Variants in CDH12 observed in about 807,000 individuals in gnomAD.
CDH12 encodes the protein cadherin 12.
Under a neutral mutation model 74.1 loss-of-function variants are expected in CDH12, and 41 were observed. That is an observed-to-expected ratio of 0.55 (90% confidence interval 0.43 to 0.72). The LOEUF (loss-of-function observed/expected upper bound fraction) is 0.72, where lower values mean the gene tolerates loss of function less well. Among genes scored for constraint, CDH12 ranks in the 30% least tolerant of loss-of-function variants. CDH12 has a pLI of 0.00. For synonymous variants in CDH12, 399 were observed against 355.0 expected, an observed-to-expected ratio of 1.12 and a Z score of -1.39; for missense variants, 945 against 977.2, an observed-to-expected ratio of 0.97 and a Z score of 0.44.
intron 1 of CDH12, among the ~76,000 whole-genome samples, chr5:22,579,268 A>C (rs1739957037): frequency 1.3e-5 from 2 of 152,256 alleles, no homozygotes; most frequent in South Asian, 2.1e-4. Flanking sequence ...TTTAATGATA[A>C]ATTTTAAAAA....
intron 5 of CDH12, among the ~76,000 whole-genome samples, chr5:22,047,838 T>C (rs546912814): frequency 6.6e-6 from 1 of 152,326 alleles, no homozygotes; most frequent in African/African-American, 2.4e-5. Context: ...ACTTCTAAAA[T>C]TCTCTCTTCA....
intron 1 of CDH12, among the ~76,000 whole-genome samples, chr5:22,706,956 C>T (rs549681671): frequency 6.6e-6 from 1 of 152,116 alleles, no homozygotes; most frequent in African/African-American, 2.4e-5. Context: ...ACAAGACAGG[C>T]TCATTTCAGA....
At chr5:21,833,337 T>C (rs867260014) in intron 8 of CDH12, among the ~76,000 whole-genome samples, 3 of 65,536 alleles carry the variant, frequency 4.6e-5, no homozygotes, top group Non-Finnish European at 6.8e-5. Context: ...TATTATATAT[T>C]ATATAACATA....
intron 2 of CDH12, among the ~76,000 whole-genome samples, chr5:22,437,943 T>A (rs1243191026): frequency 6.6e-6 from 1 of 152,080 alleles, no homozygotes; most frequent in Non-Finnish European, 1.5e-5. Flanking sequence ...ATCTTTTATT[T>A]TCATAAAATT....
intron 4 of CDH12, among the ~76,000 whole-genome samples, chr5:22,201,150 G>A (rs1050344315): frequency 6.6e-5 from 10 of 152,142 alleles, no homozygotes; most frequent in Admixed American, 6.5e-4. Flanking sequence ...GACTGCTTGA[G>A]ATTAGGAAAA....
chr5:22,617,768 T>C (rs1737762898), intron 1 of CDH12, among the ~76,000 whole-genome samples: 2 of 152,240 alleles, frequency 1.3e-5, no homozygotes, highest in South Asian at 4.1e-4. Flanking sequence ...TGGAGAGAAG[T>C]AACTTATTCC....
intron 5 of CDH12, among the ~76,000 whole-genome samples, chr5:22,049,041 G>T (rs1740162239): frequency 6.6e-6 from 1 of 151,966 alleles, no homozygotes; most frequent in Non-Finnish European, 1.5e-5. Flanking sequence ...TTATATTTAT[G>T]CCTGAATCAT....
intron 1 of CDH12, chr5:22,580,862 C>G: frequency 5.8e-6 from 1 of 173,030 alleles, no homozygotes; most frequent in Non-Finnish European, 1.2e-5. Context: ...AGACTGGCGG[C>G]ATTTTGCCCA....
chr5:22,675,098 C>T (rs368055729), intron 1 of CDH12, among the ~76,000 whole-genome samples: 2 of 152,100 alleles, frequency 1.3e-5, no homozygotes, highest in East Asian at 1.9e-4. Context: ...AAAATGTCTC[C>T]AGGTTATGTT....
chr5:22,394,956 A>T (rs575142096), intron 3 of CDH12, among the ~76,000 whole-genome samples: 1 of 152,132 alleles, frequency 6.6e-6, no homozygotes, highest in Non-Finnish European at 1.5e-5. Flanking sequence ...TTGCATATAG[A>T]TTCACATAAA....
intron 13 of CDH12, among the ~76,000 whole-genome samples, chr5:21,759,019 T>C (rs1744562885): frequency 6.6e-6 from 1 of 152,110 alleles, no homozygotes; most frequent in Admixed American, 6.6e-5. Context: ...TATCAGGTAC[T>C]AGGTTCACTA....
intron 1 of CDH12, among the ~76,000 whole-genome samples, chr5:22,621,255 C>A (rs1737956770): frequency 1.3e-5 from 2 of 152,122 alleles, no homozygotes; most frequent in South Asian, 4.1e-4. Flanking sequence ...AAAGATCTTT[C>A]CAGCACGAGT....
intron 3 of CDH12, among the ~76,000 whole-genome samples, chr5:22,399,864 G>C (rs751126394): frequency 2.2e-4 from 34 of 152,110 alleles, no homozygotes; most frequent in Admixed American, 2.0e-4. Flanking sequence ...TACTTGTATA[G>C]GAGATATTAA....
At chr5:22,545,630 T>A (rs935045050) in intron 1 of CDH12, among the ~76,000 whole-genome samples, 1 of 152,226 alleles carries the variant, frequency 6.6e-6, no homozygotes, top group Non-Finnish European at 1.5e-5. Context: ...AATAAAAGTA[T>A]CTTCTGTAGA....
chr5:22,526,003 A>G (rs1737257278), intron 1 of CDH12, among the ~76,000 whole-genome samples: 1 of 152,174 alleles, frequency 6.6e-6, no homozygotes, highest in East Asian at 1.9e-4. Context: ...TCTAAGTTTC[A>G]GGGAGTTATC....
At chr5:22,168,219 T>C (rs1393454321) in intron 4 of CDH12, among the ~76,000 whole-genome samples, 3 of 152,106 alleles carry the variant, frequency 2.0e-5, no homozygotes, top group Admixed American at 6.6e-5. Context: ...ATAATATGTA[T>C]ATTTATAATA....
intron 1 of CDH12, among the ~76,000 whole-genome samples, chr5:22,846,016 T>C (rs1280412538): frequency 2.0e-5 from 3 of 152,232 alleles, no homozygotes; most frequent in South Asian, 2.1e-4. Flanking sequence ...GTTTTTGAAG[T>C]TACTGGGTTG....
chr5:21,950,882 G>A (rs1755830776), intron 6 of CDH12, among the ~76,000 whole-genome samples: 1 of 150,784 alleles, frequency 6.6e-6, no homozygotes, highest in Admixed American at 6.6e-5. Flanking sequence ...CACCTCCCAG[G>A]TTCATGCCAT....
intron 3 of CDH12, among the ~76,000 whole-genome samples, chr5:22,329,286 T>G (rs1580529355): frequency 6.6e-6 from 1 of 152,294 alleles, no homozygotes; most frequent in South Asian, 2.1e-4. Flanking sequence ...GCTGAAAAAT[T>G]TTAATACCAG....
Sources: gnomAD v4.1 joint callset for allele counts (sites outside exome capture counted in the v4.1 genomes callset) on GRCh38, gnomAD v4.1.1 for gene constraint, MANE v1.5 for transcripts, NCBI Gene and HGNC (gene_info 2026-07-23, HGNC 2026-07-21) for gene names.